Variants in PCDH15 observed in about 807,000 individuals in gnomAD.
PCDH15 encodes the protein protocadherin-15.
Under a neutral mutation model 178.5 loss-of-function variants are expected in PCDH15, and 129 were observed. The ratio of observed to expected loss-of-function variants is 0.72; its 90% CI spans 0.63 to 0.84. PCDH15 has a LOEUF of 0.84. Ranked by LOEUF, PCDH15 falls within the 40% of genes least tolerant of loss-of-function variation. The pLI is 0.00. For synonymous variants in PCDH15, 800 were observed against 732.0 expected (o/e 1.09, Z -1.50); for missense variants, 2,230 against 2,099.9 (o/e 1.06, Z -1.21).
At chr10:54,157,444 C>A (rs1157673599) in intron 13 of PCDH15, among the ~76,000 whole-genome samples, 2 of 152,156 alleles carry the variant, frequency 1.3e-5, no homozygotes, top group African/African-American at 4.8e-5. Context: ...CCCTTTCAGC[C>A]ATGGCTGGAG....
intron 3 of PCDH15, among the ~76,000 whole-genome samples, chr10:54,515,505 A>G (rs1016869696): frequency 6.6e-6 from 1 of 152,216 alleles, no homozygotes; most frequent in Non-Finnish European, 1.5e-5. Context: ...GGTGGAGCCC[A>G]CCACAGCTCA....
At chr10:55,570,531 A>G (rs112262627) in intron 2 of PCDH15, among the ~76,000 whole-genome samples, 4 of 152,014 alleles carry the variant, frequency 2.6e-5, no homozygotes, top group African/African-American at 9.7e-5. Context: ...TTGAGAACAC[A>G]TCTCTGAAAT....
At chr10:55,300,749 C>A (rs181028921) in intron 1 of PCDH15, among the ~76,000 whole-genome samples, 1 of 152,208 alleles carries the variant, frequency 6.6e-6, no homozygotes, top group East Asian at 1.9e-4. Context: ...TGATTAGAGC[C>A]AGTCTGATTT....
At chr10:54,240,119 C>T (rs1020445738) in intron 8 of PCDH15, among the ~76,000 whole-genome samples, 3 of 152,008 alleles carry the variant, frequency 2.0e-5, no homozygotes, top group African/African-American at 7.2e-5. Context: ...GCCAACACAA[C>T]CTCCACAGTA....
In PCDH15 at chr10:54,307,094, GTGTGTGTGTGTATATATATA is replaced by G. The variant is rs2060572429; in HGVS notation, c.876+10157_876+10176del. Among the ~76,000 whole-genome samples the G allele has an allele frequency of 3.7e-4, 3 of 8,180 alleles. 1 individual carries two copies. The highest frequency in any genetic ancestry group is 1.5e-3 in the African/African-American group (3 of 2,002). The allele number at this position is 8,180 out of a possible 152,430, so 5.4% of individuals were successfully genotyped here. ...TATATATATATACATATATATATATGTGTGTGTGTGTATATATATATATATATATATATATATATATATAT... is the reference window on the plus strand; with the variant it reads ...TATATATATATACATATATATATATGTATATATATATATATATATATATAT... On this transcript the variant is annotated intron_variant, in intron 8 of 37. Transcript: ENST00000644397.
intron 2 of PCDH15, among the ~76,000 whole-genome samples, chr10:55,441,271 T>C (rs905856881): frequency 1.3e-4 from 20 of 152,200 alleles, no homozygotes; most frequent in Admixed American, 3.9e-4. Flanking sequence ...ATAAGTAGCA[T>C]TTCTCCTTTT....
chr10:55,138,465 G>A (rs979324048), intron 2 of PCDH15, among the ~76,000 whole-genome samples: 3 of 152,094 alleles, frequency 2.0e-5, no homozygotes, highest in African/African-American at 4.8e-5. Flanking sequence ...ACTGTGGCCA[G>A]TATAGCCACA....
rs1425215667 is a variant in PCDH15, at chr10:54,063,087, G to A, written c.2220+3670C>T. The stretch of plus-strand genomic sequence containing the variant: ...ACATTAGTTCAAGCCTCATATGCCT[G>A]GTTTATTACAATTGCCTCCTACTTC... On this transcript the variant is annotated intron_variant, in intron 18 of 37. Transcript: ENST00000644397. Among the ~76,000 whole-genome samples, 30 of 152,120 alleles carry A rather than the reference G, an allele frequency of 2.0e-4. 1 individual carries two copies. The highest frequency in any genetic ancestry group is 2.0e-3 in the Admixed American group (30 of 15,276).
chr10:55,511,429 C>A (rs186649660), intron 2 of PCDH15, among the ~76,000 whole-genome samples: 1 of 151,978 alleles, frequency 6.6e-6, no homozygotes, highest in Non-Finnish European at 1.5e-5. Flanking sequence ...GTTCTTAATT[C>A]TATTTCCAAA....
At chr10:54,224,345 C>A (rs1197690683) in intron 9 of PCDH15, among the ~76,000 whole-genome samples, 1 of 152,050 alleles carries the variant, frequency 6.6e-6, no homozygotes, top group Non-Finnish European at 1.5e-5. Context: ...CCTGCAGAAG[C>A]CAAGGTATTG....
intron 2 of PCDH15, among the ~76,000 whole-genome samples, chr10:54,604,592 C>T (rs1555091475): frequency 6.6e-6 from 1 of 151,656 alleles, no homozygotes; most frequent in Non-Finnish European, 1.5e-5. Flanking sequence ...AGCCATTCTG[C>T]TTTCTTTTCA....
chr10:55,051,903 GGCC>G, intron 2 of PCDH15, among the ~76,000 whole-genome samples: 1 of 152,148 alleles, frequency 6.6e-6, no homozygotes, highest in Middle Eastern at 3.4e-3. Context: ...TTATGTTTCT[GGCC>G]TTGGGAAAAT....
At chr10:54,100,946 G>T (rs1219796191) in intron 15 of PCDH15, among the ~76,000 whole-genome samples, 3 of 151,924 alleles carry the variant, frequency 2.0e-5, no homozygotes, top group Non-Finnish European at 4.4e-5. Flanking sequence ...TAAACAGAAA[G>T]AAAGATCTCC....
chr10:54,315,599 TG>T (rs1345092497), intron 8 of PCDH15, among the ~76,000 whole-genome samples: 3 of 152,182 alleles, frequency 2.0e-5, no homozygotes, highest in African/African-American at 7.2e-5. Flanking sequence ...ACAAAATCTT[TG>T]CCTGTGCCTT....
At chr10:55,488,701 T>G (rs1386047584) in intron 2 of PCDH15, among the ~76,000 whole-genome samples, 2 of 151,566 alleles carry the variant, frequency 1.3e-5, no homozygotes, top group Non-Finnish European at 1.5e-5. Context: ...GGAATAATTT[T>G]ACATAAAGAA....
chr10:53,847,549 T>C (rs2078055611), intron 28 of PCDH15, among the ~76,000 whole-genome samples: 1 of 152,102 alleles, frequency 6.6e-6, no homozygotes, highest in African/African-American at 2.4e-5. Context: ...CTCTCTGTGG[T>C]ATCCCACAAG....
intron 1 of PCDH15, among the ~76,000 whole-genome samples, chr10:54,722,759 T>C (rs1281997867): frequency 6.6e-6 from 1 of 151,552 alleles, no homozygotes; most frequent in Non-Finnish European, 1.5e-5. Context: ...ACATTCAAGC[T>C]GAGAACCAAA....
intron 1 of PCDH15, among the ~76,000 whole-genome samples, chr10:55,228,897 T>A (rs1260825854): frequency 6.6e-6 from 1 of 151,906 alleles, no homozygotes; most frequent in African/African-American, 2.4e-5. Flanking sequence ...CCTTAATAAT[T>A]TCTTGTTAGT....
chr10:54,205,769 A>T (rs561840248), intron 10 of PCDH15, among the ~76,000 whole-genome samples: 20 of 152,228 alleles, frequency 1.3e-4, no homozygotes, highest in African/African-American at 4.3e-4. Flanking sequence ...TAAAGGATGC[A>T]TATACAGTTT....
Sources: allele counts gnomAD v4.1 joint callset (sites outside exome capture counted in the v4.1 genomes callset), GRCh38; gene constraint gnomAD v4.1.1; transcripts MANE v1.5; gene names NCBI Gene and HGNC (gene_info 2026-07-23, HGNC 2026-07-21).